NDOR1: variants seen among roughly 807,000 people sequenced by gnomAD.
NDOR1 encodes NADPH-dependent diflavin oxidoreductase 1.
In NDOR1, 61 loss-of-function variants were observed where a neutral mutation model predicts 67.2. The ratio of observed to expected loss-of-function variants is 0.91; its 90% CI spans 0.74 to 1.12. NDOR1 has a LOEUF of 1.12. NDOR1 is among the 50% of genes most tolerant of loss of function. The pLI is 0.00. For missense variants in NDOR1, 878 were observed against 802.8 expected (o/e 1.09, Z -1.13); for synonymous variants, 378 against 343.7 (o/e 1.10, Z -1.10).
chr9:137,213,737 C>T (rs1213342700), intron 3 of NDOR1, 43 bp from the exon 4 acceptor site: 1 of 1,585,232 alleles, frequency 6.3e-7, no homozygotes, highest in Non-Finnish European at 8.6e-7. Context: ...GCACCACTCT[C>T]CGCCCGGGCT....
Position 137,217,886 on chromosome 9 carries a change from C to T in NDOR1, c.*1470C>T. 7.5e-6 allele frequency: 3 copies of T among 398,478 alleles called. No individual in the cohort carries two copies. Among genetic ancestry groups the T allele is most frequent in the Non-Finnish European group, 8.8e-6 (2 of 226,358 alleles). 24.7% of individuals were successfully genotyped at this position (398,478 alleles called of 1,614,324 possible). On this transcript the variant is annotated 3_prime_UTR_variant, in exon 14 of 14. Coordinates refer to ENST00000684003, the MANE Select transcript of NDOR1 (RefSeq NM_014434.4). The stretch of plus-strand genomic sequence containing the variant: ...CAGTCCACCTGGGTCCTCTCTGGGC[C>T]CTGAGTGCCTGGACCCTCTGTGCCA...
Position 137,213,996 on chromosome 9 carries a change from G to C in NDOR1, c.440G>C (p.Arg147Pro), listed in dbSNP as rs151228457. 1.9e-6 allele frequency: 3 copies of C among 1,554,798 alleles called. No homozygotes were observed. The highest frequency in any genetic ancestry group is 1.9e-5 in the Admixed American group (1 of 51,536). Residue 147 changes from arginine (R) to proline (P), a missense_variant, in exon 5 of 14, where the codon CGA (arginine) becomes CCA (proline). By Grantham distance (103) the Arg-to-Pro change is moderately radical (BLOSUM62 -2). Coordinates refer to ENST00000684003, the MANE Select transcript of NDOR1 (RefSeq NM_014434.4). Reference sequence around the variant, plus strand: ...GACGCTGCTGTGGACCCCTGGCTGCGAGACTTGTGGGACAGGGTTCTGGGG... The same window carrying C: ...GACGCTGCTGTGGACCCCTGGCTGCCAGACTTGTGGGACAGGGTTCTGGGG... ...GPDAAVDPWL[R>P]DLWDRVLGLY...
chr9:137,215,315 G>T, intron 9 of NDOR1, 92 bp from the exon 10 acceptor site: 1 of 1,537,916 alleles, frequency 6.5e-7, no homozygotes, highest in Non-Finnish European at 9.0e-7. Flanking sequence ...CCCCCAGTCG[G>T]ACTGCCTCTG....
chr9:137,215,210 G>T lies in NDOR1; in HGVS notation c.1173+8G>T, dbSNP rs777494208. ...ATCGCCTCCTCGCTGCTGGTGAGGG[G>T]CCTGGTGGTTGGAGCCCAGGACCGG... On this transcript the variant is annotated splice_region_variant and intron_variant, in intron 9 of 13. Transcript: ENST00000684003. The T allele has an allele frequency of 1.9e-6, 3 of 1,608,590 alleles. No individual in the cohort carries two copies. The South Asian group carries it at 3.3e-5, about 18-fold the overall frequency.
In NDOR1 at chr9:137,217,728, C is replaced by T. The variant is rs1835694902; in HGVS notation, c.*1312C>T. On this transcript the variant is annotated 3_prime_UTR_variant, in exon 14 of 14. Coordinates refer to ENST00000684003, the MANE Select transcript of NDOR1 (RefSeq NM_014434.4). The stretch of plus-strand genomic sequence containing the variant: ...TCTGGTGGAGCCCAGACCCTGCCTT[C>T]CCTGAGGGCCGCCCCTGTCGCCGCC... The T allele has an allele frequency of 5.5e-6, 2 of 366,836 alleles. No homozygotes were observed. The highest frequency in any genetic ancestry group is 9.7e-6 in the Non-Finnish European group (2 of 206,126). The allele number at this position is 366,836 out of a possible 1,614,324, so 22.7% of individuals were successfully genotyped here. A position where few individuals can be genotyped will look rare whatever the true frequency, so the allele number is the denominator to read the frequency against.
In NDOR1 at chr9:137,212,614, G is replaced by A. The variant is rs1250392152; in HGVS notation, c.311+15G>A. ...TCATACGCCAAGTGAGTAGGGGATG[G>A]GACAGTGGGCGGACGGAACAGTTCT... On this transcript the variant is annotated intron_variant, in intron 3 of 13. Transcript: ENST00000684003. This position sits in a 1 kb window ranked among gnomAD's most constrained non-coding sequence, Gnocchi z 4.3. 1 of 1,605,428 alleles carries A rather than the reference G, an allele frequency of 6.2e-7. No individual in the cohort carries two copies. Among genetic ancestry groups the A allele is most frequent in the Non-Finnish European group, 8.5e-7 (1 of 1,172,298 alleles).
chr9:137,213,590 G>C (rs1028908449), intron 3 of NDOR1, among the ~76,000 whole-genome samples, 190 bp from the exon 4 acceptor site: 2 of 152,140 alleles, frequency 1.3e-5, no homozygotes, highest in Non-Finnish European at 2.9e-5. Context: ...CCCTGGTCTC[G>C]GCAGCCCCTG....
In NDOR1 at chr9:137,214,638, A is replaced by G. The variant is rs756833003; in HGVS notation, c.791A>G (p.Gln264Arg). 6.2e-7 allele frequency: 1 copy of G among 1,609,066 alleles called. No individual in the cohort carries two copies. The highest frequency in any genetic ancestry group is 8.5e-7 in the Non-Finnish European group (1 of 1,179,934). ...GCTGCCCATGTCCAGCGGTTCTGCC[A>G]GGTGCTGGGCCTGGACCCTGACCAG... is the stretch of plus-strand genomic sequence containing the variant. ...NSAAHVQRFC[Q>R]VLGLDPDQLF... is the part of the protein sequence containing the mutation. Residue 264 changes from glutamine (Q) to arginine (R), a missense_variant, in exon 7 of 14, where the codon CAG (glutamine) becomes CGG (arginine). By Grantham distance (43) the Gln-to-Arg change is conservative. Transcript: ENST00000684003.
chr9:137,216,215 TG>T (rs1462038591), intron 13 of NDOR1, 27 bp downstream of exon 13: 1 of 1,612,782 alleles, frequency 6.2e-7, no homozygotes, highest in East Asian at 2.2e-5. Flanking sequence ...GCAGCAGGAG[TG>T]GGCCCAGCCC....
rs1208015067 is a variant in NDOR1 at position 137,214,349 on chromosome 9, A to T, written c.658A>T (p.Thr220Ser). 1 of 1,614,118 alleles carries T rather than the reference A, an allele frequency of 6.2e-7. No homozygotes were observed. Among genetic ancestry groups the T allele is most frequent in the East Asian group, 2.2e-5 (1 of 44,880 alleles). The part of the protein sequence containing the change: ...LAPMISNQRV[T>S]GPSHFQDVRL... The stretch of plus-strand genomic sequence containing the variant: ...ACCCATGATCTCCAACCAGAGAGTC[A>T]CCGGCCCCTCCCACTTCCAGGACGT... The change falls in exon 6 of 14, where the codon ACC becomes TCC. Residue 220 changes from threonine to serine, a missense_variant. Coordinates refer to ENST00000684003, the MANE Select transcript of NDOR1 (RefSeq NM_014434.4).
Position 137,212,670 on chromosome 9 carries a change from G to A in NDOR1, c.311+71G>A, listed in dbSNP as rs1588802286. On this transcript the variant is annotated intron_variant, in intron 3 of 13. Transcript: ENST00000684003. The surrounding 1 kb of genome is among the most constrained non-coding windows in gnomAD (Gnocchi z 4.3). ...TCGAGCAACAGGTGTGCTGGCAGAG[G>A]ACCGAGACCAGCTTCCAGGGTCGGC... The A allele has an allele frequency of 7.0e-7, 1 of 1,423,774 alleles. No homozygotes were observed. 88.2% of individuals were successfully genotyped at this position (1,423,774 alleles called of 1,614,324 possible).
chr9:137,218,778 G>A lies in NDOR1; in HGVS notation c.*2362G>A. The A allele has an allele frequency of 2.5e-6, 1 of 397,122 alleles. No homozygotes were observed. The highest frequency in any genetic ancestry group is 4.4e-6 in the Non-Finnish European group (1 of 225,614). The allele number at this position is 397,122 out of a possible 1,614,324, so 24.6% of individuals were successfully genotyped here. On this transcript the variant is annotated 3_prime_UTR_variant, in exon 14 of 14. Coordinates refer to ENST00000684003, the MANE Select transcript of NDOR1 (RefSeq NM_014434.4). Reference sequence around the variant, plus strand: ...CTGAACCCACAACCAGGGCTACCCAGAGGCCTGACCCTGCCAGAGTCCATG... The same window carrying A: ...CTGAACCCACAACCAGGGCTACCCAAAGGCCTGACCCTGCCAGAGTCCATG...
intron 2 of NDOR1, among the ~76,000 whole-genome samples, chr9:137,211,509 G>T (rs931390294): frequency 6.6e-6 from 1 of 152,180 alleles, no homozygotes; most frequent in Non-Finnish European, 1.5e-5. Flanking sequence ...AAAGTCACAA[G>T]AATGTTCTCT....
At chr9:137,210,659 A>T (rs1054680797) in intron 2 of NDOR1, among the ~76,000 whole-genome samples, 1 of 152,104 alleles carries the variant, frequency 6.6e-6, no homozygotes, top group African/African-American at 2.4e-5. Context: ...CCTGGGCAAC[A>T]TGACGAAACC....
intron 1 of NDOR1, 91 bp downstream of exon 1, chr9:137,206,003 C>T (rs1431464734): frequency 1.3e-6 from 2 of 1,484,980 alleles, no homozygotes; most frequent in African/African-American, 1.4e-5. Context: ...GTCGCATTTT[C>T]TCTGAGAGCG....
chr9:137,206,144 C>T (rs568488225), intron 1 of NDOR1, 88 bp from the exon 2 acceptor site: 48 of 1,540,096 alleles, frequency 3.1e-5, no homozygotes, highest in Admixed American at 1.5e-4. Context: ...CCCTGTCAGC[C>T]TGAGTAAAGG....
At chr9:137,208,491 A>G (rs902960743) in intron 2 of NDOR1, among the ~76,000 whole-genome samples, 1 of 151,108 alleles carries the variant, frequency 6.6e-6, no homozygotes, top group Non-Finnish European at 1.5e-5. Context: ...AACAAACAAA[A>G]AACCACATCT....
At chr9:137,208,590 A>G (rs1835096093) in intron 2 of NDOR1, among the ~76,000 whole-genome samples, 1 of 152,104 alleles carries the variant, frequency 6.6e-6, no homozygotes, top group Non-Finnish European at 1.5e-5. Context: ...TAATCCCAGC[A>G]ATTTGGGAGG....
At position 137,216,547 on chromosome 9, in the gene NDOR1, C is replaced by A; in HGVS notation, c.*131C>A. 1 of 1,220,938 alleles carries A rather than the reference C, an allele frequency of 8.2e-7. No homozygotes were observed. The highest frequency in any genetic ancestry group is 1.1e-6 in the Non-Finnish European group (1 of 898,006). 75.6% of individuals were successfully genotyped at this position (1,220,938 alleles called of 1,614,324 possible). A position where few individuals can be genotyped will look rare whatever the true frequency, so the allele number is the denominator to read the frequency against. On this transcript the variant is annotated 3_prime_UTR_variant, in exon 14 of 14. Transcript: ENST00000684003. ...CAGCTGGTCCTCTGGGAACAGCCAGCTCCCGAGCACAGCCGCACTCCTGTT... is the reference window on the plus strand; with the variant it reads ...CAGCTGGTCCTCTGGGAACAGCCAGATCCCGAGCACAGCCGCACTCCTGTT...
Sources: allele counts gnomAD v4.1 joint callset (sites outside exome capture counted in the v4.1 genomes callset), GRCh38; gene constraint gnomAD v4.1.1; non-coding constraint Gnocchi (gnomAD v3.1); transcripts MANE v1.5; gene names NCBI Gene and HGNC (gene_info 2026-07-23, HGNC 2026-07-21).